Variants in NCKAP5 observed in about 807,000 individuals in gnomAD.
NCKAP5 encodes NCK associated protein 5.
A neutral mutation model predicts 167.0 loss-of-function variants in NCKAP5; 92 were observed. The ratio of observed to expected loss-of-function variants is 0.55; its 90% CI spans 0.47 to 0.66. The LOEUF (loss-of-function observed/expected upper bound fraction) is 0.66. Among genes scored for constraint, NCKAP5 ranks in the 30% least tolerant of loss-of-function variants. The pLI is 0.00. For missense variants in NCKAP5, 2,378 were observed against 2,315.0 expected (o/e 1.03, Z -0.56); for synonymous variants, 891 against 877.4 (o/e 1.02, Z -0.27).
chr2:132,919,576 C>T (rs945536598), intron 8 of NCKAP5, among the ~76,000 whole-genome samples: 11 of 151,956 alleles, frequency 7.2e-5, no homozygotes, highest in African/African-American at 2.2e-4. Flanking sequence ...AGATCAACAG[C>T]GGGATGATGG....
At chr2:133,307,449 G>A (rs1379270656) in intron 3 of NCKAP5, among the ~76,000 whole-genome samples, 1 of 152,078 alleles carries the variant, frequency 6.6e-6, no homozygotes, top group African/African-American at 2.4e-5. Flanking sequence ...TCACTTTCCA[G>A]GTAGAGTTAA....
In NCKAP5 at chr2:132,900,940, C is replaced by T. The variant is rs192658297; in HGVS notation, c.580-22024G>A. Among the ~76,000 whole-genome samples, 18 of 125,822 alleles carry T rather than the reference C, an allele frequency of 1.4e-4. No homozygotes were observed. The East Asian group carries it at 2.9e-3, about 21-fold the overall frequency. 82.5% of individuals were successfully genotyped at this position (125,822 alleles called of 152,430 possible). Reference sequence around the variant, plus strand: ...GAGATCATGTCACTGCACTCCAGACCGGGTGACAGAGCAAGACTCTGTCTC... The same window carrying T: ...GAGATCATGTCACTGCACTCCAGACTGGGTGACAGAGCAAGACTCTGTCTC... On this transcript the variant is annotated intron_variant, in intron 8 of 19. Transcript: ENST00000409261.
chr2:133,107,032 C>T (rs796415546), intron 6 of NCKAP5, among the ~76,000 whole-genome samples: 68 of 152,254 alleles, frequency 4.5e-4, no homozygotes, highest in African/African-American at 1.6e-3. Context: ...TCCACTGATG[C>T]CTGCCTCTAA....
chr2:132,751,218 G>A (rs1202886640), intron 16 of NCKAP5, among the ~76,000 whole-genome samples: 1 of 152,032 alleles, frequency 6.6e-6, no homozygotes, highest in Non-Finnish European at 1.5e-5. Flanking sequence ...TCCTGAGAGA[G>A]ATTTCCCTCT....
chr2:133,552,151 T>C (rs1687368956), intron 2 of NCKAP5, among the ~76,000 whole-genome samples: 1 of 84,602 alleles, frequency 1.2e-5, no homozygotes, highest in South Asian at 5.7e-4. Context: ...TTGGTGGGAC[T>C]GTAAACTAGT....
chr2:132,990,305 T>C (rs2077413315), intron 7 of NCKAP5, among the ~76,000 whole-genome samples: 2 of 152,194 alleles, frequency 1.3e-5, no homozygotes, highest in African/African-American at 4.8e-5. Flanking sequence ...TATATGATTA[T>C]CTACCTGCCT....
At chr2:132,868,454 A>G (rs1400844476) in intron 10 of NCKAP5, among the ~76,000 whole-genome samples, 2 of 152,158 alleles carry the variant, frequency 1.3e-5, no homozygotes, top group Admixed American at 6.6e-5. Flanking sequence ...ACTGTTCTAC[A>G]TGCTTCCTTT....
chr2:133,293,255 G>A (rs1047794160), intron 4 of NCKAP5, among the ~76,000 whole-genome samples: 1 of 152,178 alleles, frequency 6.6e-6, no homozygotes, highest in Non-Finnish European at 1.5e-5. Context: ...AGAACAGTGG[G>A]CAGATTTGAT....
At chr2:133,026,457 G>C (rs1489758572) in intron 6 of NCKAP5, among the ~76,000 whole-genome samples, 4 of 151,666 alleles carry the variant, frequency 2.6e-5, no homozygotes, top group East Asian at 1.9e-4. Context: ...TTAAGAATAA[G>C]AAGAAGCATT....
intron 19 of NCKAP5, among the ~76,000 whole-genome samples, chr2:132,691,411 C>A (rs1434696759): frequency 1.3e-5 from 2 of 152,156 alleles, no homozygotes; most frequent in African/African-American, 4.8e-5. Flanking sequence ...AGATTCTTCT[C>A]CACACTATTT....
At chr2:132,814,588 T>C (rs1686119699) in intron 11 of NCKAP5, among the ~76,000 whole-genome samples, 2 of 152,206 alleles carry the variant, frequency 1.3e-5, no homozygotes, top group South Asian at 4.1e-4. Context: ...ATATTTAAAC[T>C]TCAATTTTGC....
At chr2:133,082,310 G>A (rs534929207) in intron 6 of NCKAP5, among the ~76,000 whole-genome samples, 4 of 152,068 alleles carry the variant, frequency 2.6e-5, no homozygotes, top group East Asian at 3.9e-4. Flanking sequence ...CTGCATCATC[G>A]GTTCAGTCCA....
At chr2:133,625,400 G>C in the NCKAP5 span, among the ~76,000 whole-genome samples, 1 of 152,148 alleles carries the variant, frequency 6.6e-6, no homozygotes, top group Non-Finnish European at 1.5e-5. Flanking sequence ...AGCTTTCTAA[G>C]TAACAATTTG....
rs148833335 is a variant in NCKAP5 at position 132,713,286 on chromosome 2, C to T, written c.5713+12341G>A. 1.8e-4 allele frequency among the ~76,000 whole-genome samples: 27 copies of T among 152,288 alleles called. No homozygotes were observed. The East Asian group carries it at 2.9e-3, about 16-fold the overall frequency. On this transcript the variant is annotated intron_variant, in intron 19 of 19. Coordinates refer to ENST00000409261, the MANE Select transcript of NCKAP5 (RefSeq NM_207363.3). ...GAGAAAAACTTTGAGAAGCTCTCCA[C>T]GTAGCAGAGACTGCTGAATACTGAA... is the stretch of plus-strand genomic sequence containing the variant.
At chr2:133,267,416 A>T (rs1260681863) in intron 4 of NCKAP5, 1 of 152,198 alleles carries the variant, frequency 6.6e-6, no homozygotes, top group Non-Finnish European at 1.5e-5. Context: ...AAAGTATCAT[A>T]ATTGGCAGGT....
chr2:133,198,506 A>G (rs1215880562), intron 5 of NCKAP5, among the ~76,000 whole-genome samples: 1 of 152,142 alleles, frequency 6.6e-6, no homozygotes, highest in Admixed American at 6.6e-5. Context: ...TGAAAGGAAG[A>G]AACTACCAAC....
intron 2 of NCKAP5, 48 bp downstream of exon 2, chr2:133,559,002 A>C (rs547936243): frequency 6.6e-6 from 1 of 152,196 alleles, no homozygotes; most frequent in Non-Finnish European, 1.5e-5. Flanking sequence ...GAACAGTATT[A>C]TTAATATGTA....
intron 6 of NCKAP5, among the ~76,000 whole-genome samples, chr2:133,061,921 A>G (rs1020001093): frequency 6.6e-6 from 1 of 152,202 alleles, no homozygotes; most frequent in Non-Finnish European, 1.5e-5. Flanking sequence ...TTTAAAACTG[A>G]CAGTGCAACA....
chr2:133,197,279 A>T (rs929591867), intron 5 of NCKAP5, among the ~76,000 whole-genome samples: 5 of 152,166 alleles, frequency 3.3e-5, no homozygotes, highest in Non-Finnish European at 1.5e-5. Flanking sequence ...ACGAGATCAC[A>T]CTGGCCTCAG....
Sources: allele counts gnomAD v4.1 joint callset (sites outside exome capture counted in the v4.1 genomes callset), GRCh38; gene constraint gnomAD v4.1.1; transcripts MANE v1.5; gene names NCBI Gene and HGNC (gene_info 2026-07-23, HGNC 2026-07-21).